BEND6: variants seen among roughly 807,000 people sequenced by gnomAD.
The protein encoded by BEND6 is BEN domain-containing protein 6.
BEND6 carries 24 observed loss-of-function variants against 31.8 expected under a neutral mutation model. The ratio of observed to expected loss-of-function variants is 0.75; its 90% CI spans 0.55 to 1.06. The LOEUF (loss-of-function observed/expected upper bound fraction) is 1.06, where lower values mean the gene tolerates loss of function less well. BEND6 is among the 50% of genes least tolerant of loss of function. The pLI is 0.00. For missense variants in BEND6, 294 were observed against 327.4 expected, an observed-to-expected ratio of 0.90 and a Z score of 0.79; for synonymous variants, 109 against 114.6, an observed-to-expected ratio of 0.95 and a Z score of 0.31.
At chr6:57,006,260 G>A (rs1430146286) in intron 3 of BEND6, among the ~76,000 whole-genome samples, 1 of 152,214 alleles carries the variant, frequency 6.6e-6, no homozygotes, top group Non-Finnish European at 1.5e-5. Context: ...TGTTACAAAT[G>A]TTTGCTATCA....
rs1412592574 is a variant in BEND6 at position 57,026,293 on chromosome 6, C to G, written c.*221C>G. On this transcript the variant is annotated 3_prime_UTR_variant, in exon 7 of 7. Transcript: ENST00000370746. ...TCCACCCTCAGTACTAGTGATGCAT[C>G]AAACCAGAGAATTTCTGCCAGTCAA... is the stretch of plus-strand genomic sequence containing the variant. 1 of 152,180 alleles carries G rather than the reference C, an allele frequency of 6.6e-6. No individual in the cohort carries two copies. Among genetic ancestry groups the G allele is most frequent in the Non-Finnish European group, 1.5e-5 (1 of 68,046 alleles). 9.4% of individuals were successfully genotyped at this position (152,180 alleles called of 1,614,324 possible). A position where few individuals can be genotyped will look rare whatever the true frequency, so the allele number is the denominator to read the frequency against.
chr6:56,966,171 G>A (rs191999001), intron 1 of BEND6, among the ~76,000 whole-genome samples: 71 of 152,136 alleles, frequency 4.7e-4, no homozygotes, highest in African/African-American at 1.6e-3. Context: ...GCATGATCTC[G>A]GCTCACTGCA....
intron 6 of BEND6, among the ~76,000 whole-genome samples, chr6:57,023,067 C>T (rs1827801088): frequency 6.6e-6 from 1 of 152,074 alleles, no homozygotes; most frequent in East Asian, 1.9e-4. Context: ...GAGAACGTGC[C>T]ATGTGTTAAT....
intron 1 of BEND6, among the ~76,000 whole-genome samples, chr6:56,964,342 A>C (rs1196229407): frequency 6.6e-6 from 1 of 152,202 alleles, no homozygotes; most frequent in Admixed American, 6.6e-5. Context: ...TTTTCATAGA[A>C]GGACAAGTTT....
intron 1 of BEND6, among the ~76,000 whole-genome samples, chr6:56,971,256 ACTTAGCATAATGTTCT>A (rs1825678674): frequency 6.6e-6 from 1 of 152,236 alleles, no homozygotes; most frequent in Non-Finnish European, 1.5e-5. Context: ...GGCATATTTC[ACTTAGCATAATGTTCT>A]CAAGGTAAAT....
intron 1 of BEND6, among the ~76,000 whole-genome samples, chr6:56,961,506 T>C (rs1825284366): frequency 6.6e-6 from 1 of 152,166 alleles, no homozygotes; most frequent in Non-Finnish European, 1.5e-5. Context: ...ACCACTTCCA[T>C]AGACTTCTGT....
chr6:57,025,581 C>T (rs932352092), intron 6 of BEND6, among the ~76,000 whole-genome samples: 1 of 152,198 alleles, frequency 6.6e-6, no homozygotes, highest in Non-Finnish European at 1.5e-5. Context: ...TGGAACACAC[C>T]TCTTACAGTG....
At chr6:57,016,497 A>G (rs1827563932) in intron 4 of BEND6, among the ~76,000 whole-genome samples, 1 of 152,048 alleles carries the variant, frequency 6.6e-6, no homozygotes, top group Non-Finnish European at 1.5e-5. Flanking sequence ...GGTAGAATTC[A>G]TTTTCTTGTG....
chr6:56,985,076 T>A (rs1368186154), intron 2 of BEND6, among the ~76,000 whole-genome samples: 1 of 152,218 alleles, frequency 6.6e-6, no homozygotes, highest in Non-Finnish European at 1.5e-5. Flanking sequence ...CCAAGCTCAA[T>A]AAGTTTGTGG....
chr6:56,983,553 A>G (rs1320089286), intron 2 of BEND6, among the ~76,000 whole-genome samples: 1 of 152,166 alleles, frequency 6.6e-6, no homozygotes, highest in African/African-American at 2.4e-5. Context: ...AAGTGAGATC[A>G]TGCAATAATT....
intron 2 of BEND6, among the ~76,000 whole-genome samples, chr6:56,989,406 A>G (rs1826408996): frequency 6.6e-6 from 1 of 152,194 alleles, no homozygotes; most frequent in African/African-American, 2.4e-5. Context: ...GGTTTTCACC[A>G]TTATGAACAA....
At chr6:56,977,513 T>C (rs1012671046) in intron 1 of BEND6, among the ~76,000 whole-genome samples, 1 of 152,242 alleles carries the variant, frequency 6.6e-6, no homozygotes, top group African/African-American at 2.4e-5. Context: ...TTACGGGACT[T>C]ATGAAAATGT....
chr6:56,973,955 G>A (rs1242183806), intron 1 of BEND6, among the ~76,000 whole-genome samples: 1 of 152,118 alleles, frequency 6.6e-6, no homozygotes, highest in Non-Finnish European at 1.5e-5. Flanking sequence ...CTTTTGCCAT[G>A]TTGTCCAGAC....
intron 1 of BEND6, among the ~76,000 whole-genome samples, chr6:56,960,509 A>G (rs1029584333): frequency 6.6e-6 from 1 of 152,238 alleles, no homozygotes; most frequent in Non-Finnish European, 1.5e-5. Context: ...GTTATTATCT[A>G]CAAATTAAGT....
intron 3 of BEND6, among the ~76,000 whole-genome samples, chr6:56,993,838 T>C (rs1473116292): frequency 6.6e-6 from 1 of 152,032 alleles, no homozygotes; most frequent in Non-Finnish European, 1.5e-5. Context: ...GCTAGGACTT[T>C]TGGCATGCAC....
intron 1 of BEND6, among the ~76,000 whole-genome samples, chr6:56,976,611 C>T (rs542070124): frequency 6.6e-6 from 1 of 152,284 alleles, no homozygotes; most frequent in African/African-American, 2.4e-5. Flanking sequence ...GTCACTCAGG[C>T]TGGAGTGCAG....
chr6:56,973,427 T>G (rs779528705), intron 1 of BEND6, among the ~76,000 whole-genome samples: 7 of 152,228 alleles, frequency 4.6e-5, no homozygotes, highest in Non-Finnish European at 8.8e-5. Flanking sequence ...TGTACCGAAC[T>G]CTATATATAC....
intron 1 of BEND6, chr6:56,976,148 G>T: frequency 4.7e-6 from 1 of 212,082 alleles, no homozygotes; most frequent in Non-Finnish European, 9.5e-6. Flanking sequence ...TATTATCAGT[G>T]CATGCCAATC....
intron 6 of BEND6, 87 bp downstream of exon 6, chr6:57,018,644 C>A: frequency 8.0e-7 from 1 of 1,248,718 alleles, no homozygotes. Context: ...TTTCCAATCA[C>A]TCTACTAGAA....
Sources: gnomAD v4.1 joint callset for allele counts (sites outside exome capture counted in the v4.1 genomes callset) on GRCh38, gnomAD v4.1.1 for gene constraint, MANE v1.5 for transcripts, NCBI Gene and HGNC (gene_info 2026-07-23, HGNC 2026-07-21) for gene names.